Variants in ROBO2 observed in about 807,000 individuals in gnomAD.
ROBO2 encodes the protein roundabout guidance receptor 2.
ROBO2 carries 53 observed loss-of-function variants against 160.8 expected under a neutral mutation model. The observed-to-expected ratio is 0.33, with a 90% confidence interval of 0.26 to 0.41. ROBO2 has a LOEUF of 0.41. ROBO2 is among the 10% of genes least tolerant of loss of function. The pLI is 1.00. For missense variants in ROBO2, 1,577 were observed against 1,722.4 expected, an observed-to-expected ratio of 0.92 and a Z score of 1.49; for synonymous variants, 664 against 611.7, an observed-to-expected ratio of 1.09 and a Z score of -1.26.
intron 2 of ROBO2, among the ~76,000 whole-genome samples, chr3:75,966,276 T>TG (rs1292169539): frequency 1.3e-5 from 2 of 151,386 alleles, no homozygotes; most frequent in Admixed American, 1.3e-4. Context: ...AACGTTTTTT[T>TG]TTAAAGAGAC....
chr3:76,445,770 C>T (rs1041853263), intron 2 of ROBO2, among the ~76,000 whole-genome samples: 10 of 152,112 alleles, frequency 6.6e-5, no homozygotes, highest in Non-Finnish European at 1.2e-4. Context: ...AGCATATAAA[C>T]AGAACCAAAG....
At chr3:76,280,534 G>T (rs144106153) in intron 2 of ROBO2, among the ~76,000 whole-genome samples, 1,900 of 152,038 alleles carry the variant, frequency 0.012, 22 homozygotes, top group Middle Eastern at 0.071. Flanking sequence ...TAGAGTGCAA[G>T]AAATAAATTT....
rs935925542 is a variant in ROBO2, at chr3:76,328,514, C to A, written c.109+390912C>A. 1.1e-4 allele frequency among the ~76,000 whole-genome samples: 16 copies of A among 152,108 alleles called. No individual in the cohort carries two copies. The South Asian group carries it at 3.1e-3, about 29-fold the overall frequency. On this transcript the variant is annotated intron_variant, in intron 2 of 26. Coordinates refer to the ROBO2 transcript ENST00000487694. ...GGCCGAGGCGGGCAGATGACAAGAT[C>A]AGGAGATCGAGACCATCCTGGCTAA...
chr3:77,282,444 T>C (rs1157682250), intron 2 of ROBO2, among the ~76,000 whole-genome samples: 1 of 152,110 alleles, frequency 6.6e-6, no homozygotes, highest in African/African-American at 2.4e-5. Flanking sequence ...TTACTTCCTT[T>C]AGAGGTTCTA....
chr3:77,147,873 C>CCA (rs1347450650), intron 2 of ROBO2, among the ~76,000 whole-genome samples: 1 of 152,072 alleles, frequency 6.6e-6, no homozygotes, highest in Non-Finnish European at 1.5e-5. Flanking sequence ...ACACTCCCTC[C>CCA]CACACACACA....
At chr3:76,448,738 C>A (rs2077325049) in intron 2 of ROBO2, among the ~76,000 whole-genome samples, 1 of 152,176 alleles carries the variant, frequency 6.6e-6, no homozygotes, top group Non-Finnish European at 1.5e-5. Context: ...CTGAACCAGA[C>A]TTTACATTTG....
chr3:76,127,706 G>C (rs1248353331), intron 2 of ROBO2, among the ~76,000 whole-genome samples: 2 of 151,734 alleles, frequency 1.3e-5, no homozygotes, highest in African/African-American at 2.4e-5. Context: ...TACACTTACA[G>C]GTGATAACAC....
intron 2 of ROBO2, among the ~76,000 whole-genome samples, chr3:76,981,853 G>A (rs1248889838): frequency 6.6e-6 from 1 of 152,024 alleles, no homozygotes. Flanking sequence ...GAGAGCGAGA[G>A]AGTGGATGGG....
chr3:77,387,003 G>A (rs947598775), intron 2 of ROBO2, among the ~76,000 whole-genome samples: 1 of 151,980 alleles, frequency 6.6e-6, no homozygotes, highest in Non-Finnish European at 1.5e-5. Context: ...GAGAGAAAAA[G>A]AATGCTCTTG....
chr3:76,970,018 G>A (rs753885432), intron 2 of ROBO2, among the ~76,000 whole-genome samples: 6 of 152,114 alleles, frequency 3.9e-5, no homozygotes, highest in Non-Finnish European at 7.4e-5. Flanking sequence ...AGAATGCAAA[G>A]CTTCAAAGTG....
At chr3:77,328,062 C>CAAAAAAAA (rs57829219) in intron 2 of ROBO2, among the ~76,000 whole-genome samples, 19 of 112,820 alleles carry the variant, frequency 1.7e-4, no homozygotes, top group African/African-American at 7.1e-4. Flanking sequence ...GACCGTATCT[C>CAAAAAAAA]AAAAAAAAAA....
rs543083929 is a variant in ROBO2 at position 76,680,841 on chromosome 3, A to G, written c.110-417173A>G. Reference sequence around the variant, plus strand: ...GCCCAGGCTAGAGTGCAGTGGCGCAATCTCGCTCACTACAGCCTCTGCTTC... The same window carrying G: ...GCCCAGGCTAGAGTGCAGTGGCGCAGTCTCGCTCACTACAGCCTCTGCTTC... On this transcript the variant is annotated intron_variant, in intron 2 of 26. Coordinates refer to the ROBO2 transcript ENST00000487694. Among the ~76,000 whole-genome samples the G allele has an allele frequency of 5.3e-5, 8 of 152,200 alleles. 1 individual carries two copies. In the South Asian group the frequency reaches 8.3e-4, roughly 16 times the overall value.
At chr3:76,061,392 C>CT (rs1319012453) in intron 2 of ROBO2, among the ~76,000 whole-genome samples, 1 of 152,036 alleles carries the variant, frequency 6.6e-6, no homozygotes, top group African/African-American at 2.4e-5. Flanking sequence ...TTGGGATTTT[C>CT]TTTTTTTGGT....
At chr3:76,655,236 T>C (rs1193121981) in intron 2 of ROBO2, among the ~76,000 whole-genome samples, 2 of 150,590 alleles carry the variant, frequency 1.3e-5, no homozygotes, top group South Asian at 4.2e-4. Flanking sequence ...AGAAATAGAT[T>C]GTCATCTGTT....
chr3:77,454,127 T>A (rs1241583551), intron 2 of ROBO2, among the ~76,000 whole-genome samples: 1 of 152,022 alleles, frequency 6.6e-6, no homozygotes, highest in East Asian at 1.9e-4. Context: ...GGGCTTTTTT[T>A]TTTTTTTAAT....
chr3:76,148,137 G>C (rs2106817895), intron 2 of ROBO2, among the ~76,000 whole-genome samples: 1 of 151,952 alleles, frequency 6.6e-6, no homozygotes, highest in Middle Eastern at 3.4e-3. Flanking sequence ...TTATAAAGTT[G>C]TTAGGAATGG....
intron 2 of ROBO2, among the ~76,000 whole-genome samples, chr3:76,573,552 T>C (rs1208150525): frequency 6.6e-6 from 1 of 151,868 alleles, no homozygotes; most frequent in Non-Finnish European, 1.5e-5. Flanking sequence ...TTATAGGATG[T>C]TAACCAATCT....
At chr3:77,279,137 G>T (rs73845556) in intron 2 of ROBO2, among the ~76,000 whole-genome samples, 1 of 152,052 alleles carries the variant, frequency 6.6e-6, no homozygotes, top group East Asian at 1.9e-4. Flanking sequence ...AACTGAAAAC[G>T]TCTCTTTTTT....
intron 2 of ROBO2, among the ~76,000 whole-genome samples, chr3:76,821,783 T>C (rs1212551520): frequency 1.3e-5 from 2 of 152,138 alleles, no homozygotes; most frequent in South Asian, 2.1e-4. Flanking sequence ...TGTTCTGCTG[T>C]GTGTGCCATC....
Sources: allele counts gnomAD v4.1 joint callset (sites outside exome capture counted in the v4.1 genomes callset), GRCh38; gene constraint gnomAD v4.1.1; transcripts MANE v1.5; gene names NCBI Gene and HGNC (gene_info 2026-07-23, HGNC 2026-07-21).